SPAG9: variants seen among roughly 807,000 people sequenced by gnomAD.
The protein encoded by SPAG9 is C-Jun-amino-terminal kinase-interacting protein 4.
SPAG9 carries 35 observed loss-of-function variants against 166.5 expected under a neutral mutation model. The ratio of observed to expected loss-of-function variants is 0.21; its 90% CI spans 0.16 to 0.28. The LOEUF (loss-of-function observed/expected upper bound fraction) is 0.28. Ranked by LOEUF, SPAG9 falls within the 10% of genes least tolerant of loss-of-function variation. The pLI is 1.00. For missense variants in SPAG9, 1,235 were observed against 1,603.3 expected (o/e 0.77, Z 3.92); for synonymous variants, 534 against 565.5 (o/e 0.94, Z 0.79).
chr17:51,038,255 A>G (rs117625589), intron 5 of SPAG9, among the ~76,000 whole-genome samples: 5,549 of 152,296 alleles, frequency 0.036, 119 homozygotes, highest in Non-Finnish European at 0.055. Flanking sequence ...ACTGATGCAT[A>G]GATGGCATTT....
intron 18 of SPAG9, 68 bp from the exon 19 acceptor site, chr17:50,994,003 G>A: frequency 2.2e-6 from 3 of 1,376,394 alleles, no homozygotes; most frequent in Non-Finnish European, 3.0e-6. Flanking sequence ...AGGTGGTGCT[G>A]TTACAGTAAA....
chr17:51,015,066 GA>G (rs1418332509), intron 8 of SPAG9, among the ~76,000 whole-genome samples: 2 of 151,780 alleles, frequency 1.3e-5, no homozygotes, highest in African/African-American at 4.8e-5. Flanking sequence ...TGAAAGTTAA[GA>G]AATTAAAAAG....
intron 26 of SPAG9, among the ~76,000 whole-genome samples, chr17:50,979,186 C>A (rs1269140513): frequency 4.0e-5 from 6 of 148,970 alleles, no homozygotes; most frequent in Admixed American, 3.4e-4. Flanking sequence ...CCAGCCTGGG[C>A]AACACAGTGA....
chr17:51,100,230 C>T (rs949226622), intron 1 of SPAG9, among the ~76,000 whole-genome samples: 5 of 152,178 alleles, frequency 3.3e-5, no homozygotes, highest in Non-Finnish European at 5.9e-5. Context: ...TAATTCCTGG[C>T]CCTTGGCTAG....
intron 24 of SPAG9, among the ~76,000 whole-genome samples, chr17:50,983,588 T>G (rs1177459772): frequency 6.6e-6 from 1 of 152,252 alleles, no homozygotes; most frequent in Non-Finnish European, 1.5e-5. Context: ...CCCATCGTGC[T>G]CTTCTGAACT....
rs201262344 is a variant in SPAG9 at position 51,005,269 on chromosome 17, G to A, written c.1425-6C>T. The A allele has an allele frequency of 1.2e-6, 2 of 1,612,926 alleles. No individual in the cohort carries two copies. The highest frequency in any genetic ancestry group is 1.7e-6 in the Non-Finnish European group (2 of 1,179,352). ...CTTCAGCTTCTGCCCGAGCTCTAGTGGGGAAAAAACAAAACAAAACATGTT... is the reference window on the plus strand; with the variant it reads ...CTTCAGCTTCTGCCCGAGCTCTAGTAGGGAAAAAACAAAACAAAACATGTT... On this transcript the variant is annotated splice_polypyrimidine_tract_variant and splice_region_variant and intron_variant, in intron 11 of 29. Coordinates refer to ENST00000262013, the MANE Select transcript of SPAG9 (RefSeq NM_001130528.3).
chr17:51,007,017 T>C (rs2045250128), intron 10 of SPAG9, among the ~76,000 whole-genome samples: 1 of 152,024 alleles, frequency 6.6e-6, no homozygotes, highest in Non-Finnish European at 1.5e-5. Flanking sequence ...GCATGGATAC[T>C]TATAGAGTGA....
chr17:51,019,115 T>C (rs1011272457), intron 8 of SPAG9, among the ~76,000 whole-genome samples: 3 of 152,162 alleles, frequency 2.0e-5, no homozygotes, highest in Non-Finnish European at 2.9e-5. Flanking sequence ...TTCTTCTATG[T>C]GAAGACACAG....
At chr17:51,085,677 A>C (rs991326717) in intron 1 of SPAG9, among the ~76,000 whole-genome samples, 4 of 152,220 alleles carry the variant, frequency 2.6e-5, no homozygotes, top group African/African-American at 9.6e-5. Context: ...AAAACAGATA[A>C]ACTTAGAGAT....
At chr17:51,005,131 T>C in intron 12 of SPAG9, 81 bp downstream of exon 12, 1 of 1,188,040 alleles carries the variant, frequency 8.4e-7, no homozygotes, top group Non-Finnish European at 1.2e-6. Context: ...TAGTATTATA[T>C]CCAAAGCTTA....
At chr17:51,081,923 A>G (rs1466791475) in intron 1 of SPAG9, among the ~76,000 whole-genome samples, 1 of 152,086 alleles carries the variant, frequency 6.6e-6, no homozygotes, top group Admixed American at 6.6e-5. Context: ...TCAAGCATCC[A>G]TGCAGTTCCT....
chr17:50,969,084 C>T (rs918674496), intron 29 of SPAG9, among the ~76,000 whole-genome samples: 1 of 152,030 alleles, frequency 6.6e-6, no homozygotes, highest in African/African-American at 2.4e-5. Flanking sequence ...AGGTACACGG[C>T]ATCACGCTCA....
At chr17:51,082,025 A>G (rs1440592912) in intron 1 of SPAG9, among the ~76,000 whole-genome samples, 1 of 151,988 alleles carries the variant, frequency 6.6e-6, no homozygotes, top group African/African-American at 2.4e-5. Flanking sequence ...TACTTCCTTC[A>G]CATCTTTGTT....
chr17:51,093,518 T>C (rs1025303820), intron 1 of SPAG9, among the ~76,000 whole-genome samples: 22 of 151,546 alleles, frequency 1.5e-4, no homozygotes, highest in African/African-American at 5.3e-4. Flanking sequence ...CTGGCTAACA[T>C]GGTGAAACCC....
intron 19 of SPAG9, among the ~76,000 whole-genome samples, chr17:50,991,374 G>C (rs1490253935): frequency 6.6e-6 from 1 of 151,868 alleles, no homozygotes; most frequent in Non-Finnish European, 1.5e-5. Flanking sequence ...TATATAGGTT[G>C]ATTAAGATAT....
Position 51,079,564 on chromosome 17 carries a change from A to C in SPAG9, c.424+20T>G, listed in dbSNP as rs372820101. ...AAGCCCAATCTTTAGTGTACTTATG[A>C]GAAGAAATGTTTTACTTACTCTGGT... On this transcript the variant is annotated intron_variant, in intron 2 of 29. Transcript: ENST00000262013. The C allele has an allele frequency of 9.3e-5, 150 of 1,610,380 alleles. No individual in the cohort carries two copies. Among genetic ancestry groups the C allele is most frequent in the Non-Finnish European group, 3.0e-5 (35 of 1,178,786 alleles).
At chr17:51,046,106 C>A (rs1005084169) in intron 4 of SPAG9, among the ~76,000 whole-genome samples, 5 of 152,156 alleles carry the variant, frequency 3.3e-5, no homozygotes, top group African/African-American at 1.2e-4. Context: ...AAGCTTACGG[C>A]CTGTATCTAA....
chr17:51,044,315 A>C (rs1180535217), intron 4 of SPAG9, among the ~76,000 whole-genome samples: 1 of 152,228 alleles, frequency 6.6e-6, no homozygotes, highest in Non-Finnish European at 1.5e-5. Flanking sequence ...AAAATGAGAT[A>C]CACGTGGAAA....
At chr17:51,066,465 G>A (rs998286336) in intron 2 of SPAG9, among the ~76,000 whole-genome samples, 2 of 146,364 alleles carry the variant, frequency 1.4e-5, no homozygotes, top group East Asian at 2.1e-4. Flanking sequence ...TGAGACAGGA[G>A]AATTGCTTGA....
Sources: allele counts gnomAD v4.1 joint callset (sites outside exome capture counted in the v4.1 genomes callset), GRCh38; gene constraint gnomAD v4.1.1; transcripts MANE v1.5; gene names NCBI Gene and HGNC (gene_info 2026-07-23, HGNC 2026-07-21).